Variants in ZFYVE27 observed in about 807,000 individuals in gnomAD.
ZFYVE27 encodes protrudin.
A neutral mutation model predicts 52.8 loss-of-function variants in ZFYVE27; 36 were observed. The ratio of observed to expected loss-of-function variants is 0.68; its 90% CI spans 0.52 to 0.90. ZFYVE27 has a LOEUF of 0.90. Among genes scored for constraint, ZFYVE27 ranks in the 40% least tolerant of loss-of-function variants. ZFYVE27 has a pLI of 0.00. For synonymous variants in ZFYVE27, 223 were observed against 215.6 expected (o/e 1.03, Z -0.30); for missense variants, 450 against 527.2 (o/e 0.85, Z 1.43).
At chr10:97,755,566 T>G (rs1164950250) in intron 10 of ZFYVE27, among the ~76,000 whole-genome samples, 1 of 152,190 alleles carries the variant, frequency 6.6e-6, no homozygotes, top group Admixed American at 6.5e-5. Context: ...ACTAATCCCA[T>G]TCACGAGGGC....
intron 8 of ZFYVE27, among the ~76,000 whole-genome samples, chr10:97,752,323 A>G (rs1464329294): frequency 6.6e-6 from 1 of 152,192 alleles, no homozygotes; most frequent in African/African-American, 2.4e-5. Flanking sequence ...ACCCCAACTC[A>G]CCTCAATCAT....
chr10:97,741,734 C>T (rs541285525), intron 2 of ZFYVE27, among the ~76,000 whole-genome samples: 16 of 152,256 alleles, frequency 1.1e-4, no homozygotes, highest in African/African-American at 3.9e-4. Context: ...GCACGTTCTG[C>T]ACATGTATCC....
At chr10:97,756,180 C>T (rs564292177) in intron 10 of ZFYVE27, among the ~76,000 whole-genome samples, 4 of 152,194 alleles carry the variant, frequency 2.6e-5, no homozygotes, top group African/African-American at 4.8e-5. Flanking sequence ...GGCTGCCTTC[C>T]CCAAATTCTT....
chr10:97,757,147 G>C, intron 10 of ZFYVE27, 118 bp from the exon 11 acceptor site: 2 of 1,433,688 alleles, frequency 1.4e-6, no homozygotes, highest in Non-Finnish European at 2.0e-6. Context: ...CTGGCTCACT[G>C]TGTCCAGCCA....
In ZFYVE27 at chr10:97,746,868, T is replaced by G. The variant is rs952757443; in HGVS notation, c.456-1401T>G. Among the ~76,000 whole-genome samples, 11 of 152,122 alleles carry G rather than the reference T, an allele frequency of 7.2e-5. No homozygotes were observed. The South Asian group carries it at 2.1e-3, about 29-fold the overall frequency. On this transcript the variant is annotated intron_variant, in intron 4 of 12. Coordinates refer to ENST00000684270, the MANE Select transcript of ZFYVE27 (RefSeq NM_001385875.1). ...CATACCCTGCTAATTAAAACAATTT[T>G]TTTGTAGAGATAGGGTCTCATTGTC... is the stretch of plus-strand genomic sequence containing the variant.
intron 1 of ZFYVE27, among the ~76,000 whole-genome samples, chr10:97,737,602 C>T (rs956093233): frequency 1.3e-5 from 2 of 152,254 alleles, no homozygotes; most frequent in African/African-American, 4.8e-5. Context: ...GTCCCGTTGG[C>T]CCCTTTGTCC....
intron 4 of ZFYVE27, 85 bp downstream of exon 4, chr10:97,745,000 A>G (rs2044784415): frequency 6.9e-7 from 1 of 1,450,048 alleles, no homozygotes; most frequent in Non-Finnish European, 9.4e-7. Context: ...GCTCGACATC[A>G]TATTAGGCAA....
intron 8 of ZFYVE27, among the ~76,000 whole-genome samples, chr10:97,752,329 A>G (rs1347028301): frequency 2.6e-5 from 4 of 152,226 alleles, no homozygotes; most frequent in Admixed American, 1.3e-4. Context: ...ACTCACCTCA[A>G]TCATACATCA....
intron 10 of ZFYVE27, chr10:97,754,634 G>C: frequency 4.7e-6 from 6 of 1,282,842 alleles, no homozygotes; most frequent in Non-Finnish European, 6.1e-6. Context: ...TATTTATGCT[G>C]CCTGCTGACT....
intron 10 of ZFYVE27, chr10:97,754,883 G>A (rs557204526): frequency 1.6e-6 from 2 of 1,249,392 alleles, no homozygotes; most frequent in Non-Finnish European, 2.1e-6. Flanking sequence ...CCATTTTACA[G>A]ATGAATAACC....
intron 12 of ZFYVE27, chr10:97,758,083 G>A: frequency 5.6e-6 from 1 of 177,186 alleles, no homozygotes; most frequent in Non-Finnish European, 1.2e-5. Context: ...TTGGCACTTT[G>A]AACAAAACTA....
Position 97,744,635 on chromosome 10 carries a change from C to G in ZFYVE27, c.269-94C>G. ...CAGGGAAGGCCTGACTGGCAGAGCCCTGGAGGAGGTGAGGAACAAGCAGTG... is the reference window on the plus strand; with the variant it reads ...CAGGGAAGGCCTGACTGGCAGAGCCGTGGAGGAGGTGAGGAACAAGCAGTG... On this transcript the variant is annotated intron_variant, in intron 3 of 12. Transcript: ENST00000684270. 4.1e-6 allele frequency: 6 copies of G among 1,470,944 alleles called. No homozygotes were observed. The South Asian group carries it at 7.1e-5, about 17-fold the overall frequency. The allele number at this position is 1,470,944 out of a possible 1,614,324, so 91.1% of individuals were successfully genotyped here. A position where few individuals can be genotyped will look rare whatever the true frequency, so the allele number is the denominator to read the frequency against.
At chr10:97,740,521 T>A (rs555254721) in intron 2 of ZFYVE27, among the ~76,000 whole-genome samples, 2 of 152,330 alleles carry the variant, frequency 1.3e-5, no homozygotes, top group East Asian at 1.9e-4. Context: ...GTTAAGTGTA[T>A]CCTGTCCTGC....
intron 6 of ZFYVE27, 73 bp downstream of exon 6, chr10:97,749,659 T>G: frequency 2.5e-6 from 3 of 1,201,350 alleles, no homozygotes; most frequent in Non-Finnish European, 3.7e-6. Flanking sequence ...CCAGTTCTTC[T>G]GTCTCTACAG....
At chr10:97,751,345 C>T in intron 7 of ZFYVE27, 46 bp from the exon 8 acceptor site, 1 of 1,601,952 alleles carries the variant, frequency 6.2e-7, no homozygotes, top group Non-Finnish European at 8.5e-7. Flanking sequence ...CCTTAGGGAG[C>T]AGCGCTGCCA....
At chr10:97,746,542 C>A (rs915756590) in intron 4 of ZFYVE27, among the ~76,000 whole-genome samples, 2 of 152,184 alleles carry the variant, frequency 1.3e-5, no homozygotes, top group Non-Finnish European at 2.9e-5. Context: ...TTCCTAAGAA[C>A]AAGGACATTC....
At chr10:97,738,219 C>G (rs1482389629) in intron 1 of ZFYVE27, among the ~76,000 whole-genome samples, 1 of 152,158 alleles carries the variant, frequency 6.6e-6, no homozygotes, top group East Asian at 1.9e-4. Flanking sequence ...GAAAAATGTT[C>G]CAGGACATCA....
At chr10:97,750,051 C>T (rs1846207954) in intron 6 of ZFYVE27, 2 of 479,980 alleles carry the variant, frequency 4.2e-6, no homozygotes, top group Admixed American at 3.3e-5. Context: ...TGGGTGATTG[C>T]TGTATTTGTT....
At chr10:97,751,323 G>A in intron 7 of ZFYVE27, 68 bp from the exon 8 acceptor site, 4 of 1,559,348 alleles carry the variant, frequency 2.6e-6, no homozygotes, top group Non-Finnish European at 3.5e-6. Context: ...GGCTTGGGGA[G>A]GTGGTCCTCT....
Sources: allele counts gnomAD v4.1 joint callset (sites outside exome capture counted in the v4.1 genomes callset), GRCh38; gene constraint gnomAD v4.1.1; transcripts MANE v1.5; gene names NCBI Gene and HGNC (gene_info 2026-07-23, HGNC 2026-07-21).